C2orf49: variants seen among roughly 807,000 people sequenced by gnomAD.
C2orf49 encodes the protein tRNA-splicing ligase complex subunit ASW.
In C2orf49, 11 loss-of-function variants were observed where a neutral mutation model predicts 20.6. The observed-to-expected ratio is 0.53, with a 90% confidence interval of 0.34 to 0.88. C2orf49 has a LOEUF of 0.88. Ranked by LOEUF, C2orf49 falls within the 40% of genes least tolerant of loss-of-function variation. The pLI is 0.02. For synonymous variants in C2orf49, 134 were observed against 108.5 expected (o/e 1.24, Z -1.46); for missense variants, 289 against 274.2 (o/e 1.05, Z -0.38).
chr2:105,352,687 G>T, downstream of C2orf49, among the ~76,000 whole-genome samples: 1 of 151,888 alleles, frequency 6.6e-6, no homozygotes. Context: ...CTTGTGATCT[G>T]CCCGTCTCGG....
chr2:105,363,602 C>T, the C2orf49 span: 5 of 812,854 alleles, frequency 6.2e-6, no homozygotes, highest in East Asian at 1.1e-4. Context: ...CAAGAAGCTG[C>T]TTTACAAACT....
At chr2:105,360,369 T>A in the C2orf49 span, 4 of 151,880 alleles carry the variant, frequency 2.6e-5, no homozygotes, top group Non-Finnish European at 5.9e-5. Flanking sequence ...TGAAGGCTTT[T>A]TTTTTTTGAG....
At chr2:105,351,309 CCG>C (rs1396385390), downstream of C2orf49, among the ~76,000 whole-genome samples, 31 of 114,212 alleles carry the variant, frequency 2.7e-4, 1 homozygote, top group African/African-American at 1.1e-3. Flanking sequence ...TTTTTGCCCA[CCG>C]CGCCCCCCCC....
the C2orf49 span, chr2:105,377,660 T>C: frequency 1.2e-5 from 2 of 166,818 alleles, no homozygotes; most frequent in Non-Finnish European, 1.3e-5. Flanking sequence ...TAAGTTTTGA[T>C]TGTTATGTAG....
chr2:105,380,973 C>T, the C2orf49 span, among the ~76,000 whole-genome samples: 1 of 152,068 alleles, frequency 6.6e-6, no homozygotes, highest in Non-Finnish European at 1.5e-5. Flanking sequence ...TGCTTGGCTC[C>T]GAATGTGTCC....
At chr2:105,351,692 A>C (rs1238541361), downstream of C2orf49, among the ~76,000 whole-genome samples, 1 of 152,104 alleles carries the variant, frequency 6.6e-6, no homozygotes, top group Non-Finnish European at 1.5e-5. Context: ...AGGATGCTCT[A>C]GCGTCATTTT....
At chr2:105,361,491 A>C in the C2orf49 span, 1 of 1,507,156 alleles carries the variant, frequency 6.6e-7, no homozygotes, top group Non-Finnish European at 9.1e-7. Flanking sequence ...GGCAACTGGG[A>C]CTGAAGAAGG....
At chr2:105,361,959 A>AGAT in the C2orf49 span, among the ~76,000 whole-genome samples, 10 of 152,350 alleles carry the variant, frequency 6.6e-5, no homozygotes, top group African/African-American at 2.2e-4. Context: ...AGCTGCAGAC[A>AGAT]GATAGAATGG....
chr2:105,363,031 C>T, the C2orf49 span: 1 of 463,868 alleles, frequency 2.2e-6, no homozygotes, highest in Non-Finnish European at 3.9e-6. Context: ...ATAATCCAAC[C>T]CAAAGCAGAA....
chr2:105,339,909 C>T (rs1482106969), intron 2 of C2orf49, among the ~76,000 whole-genome samples, 160 bp downstream of exon 2: 1 of 152,184 alleles, frequency 6.6e-6, no homozygotes, highest in Non-Finnish European at 1.5e-5. Flanking sequence ...ATAAAACTGA[C>T]AAAATTCCCT....
chr2:105,377,765 T>C, the C2orf49 span: 1 of 272,486 alleles, frequency 3.7e-6, no homozygotes, highest in Non-Finnish European at 7.3e-6. Flanking sequence ...AGCTGCAGAA[T>C]GTTTTCCATG....
chr2:105,359,704 G>T, the C2orf49 span: 3 of 152,146 alleles, frequency 2.0e-5, no homozygotes, highest in Admixed American at 2.0e-4. Flanking sequence ...TATTTTTACT[G>T]TAATGACTGT....
At position 105,343,221 on chromosome 2, in the gene C2orf49, A is replaced by G. The variant is rs755694255; in HGVS notation, c.640A>G (p.Met214Val). Residue 214 changes from methionine (M) to valine (V), a missense_variant and splice_region_variant, in exon 3 of 4, where the codon ATG (methionine) becomes GTG (valine). Physicochemically the swap from Met to Val is conservative, Grantham distance 21 (BLOSUM62 1). Coordinates refer to ENST00000258457, the MANE Select transcript of C2orf49 (RefSeq NM_024093.3). ...TGCTCCTAAAGAAGAGGCAGAGGCCATGGTAAGTATGGGGGTGGTTTCCAT... is the reference window on the plus strand; with the variant it reads ...TGCTCCTAAAGAAGAGGCAGAGGCCGTGGTAAGTATGGGGGTGGTTTCCAT... Reference protein sequence around the residue: ...RAAPKEEAEAMNNLKPPQAKR... With the variant: ...RAAPKEEAEAVNNLKPPQAKR... 4 of 1,581,296 alleles carry G rather than the reference A, an allele frequency of 2.5e-6. No individual in the cohort carries two copies. The highest frequency in any genetic ancestry group is 2.7e-5 in the African/African-American group (2 of 73,608).
the C2orf49 span, among the ~76,000 whole-genome samples, chr2:105,361,978 A>T: frequency 2.1e-3 from 323 of 152,344 alleles, 1 homozygote; most frequent in African/African-American, 7.4e-3. Context: ...GGAATCAAAT[A>T]TTTAAGGTAC....
chr2:105,371,440 C>A, the C2orf49 span, among the ~76,000 whole-genome samples: 1 of 152,036 alleles, frequency 6.6e-6, no homozygotes. Context: ...CAAATGCTCC[C>A]ATTTGGAACT....
At position 105,346,885 on chromosome 2, in the gene C2orf49, G is replaced by A. The variant is rs1367247186; in HGVS notation, c.*1514G>A. 1 of 152,166 alleles carries A rather than the reference G, an allele frequency of 6.6e-6. No homozygotes were observed. Among genetic ancestry groups the A allele is most frequent in the African/African-American group, 2.4e-5 (1 of 41,438 alleles). 9.4% of individuals were successfully genotyped at this position (152,166 alleles called of 1,614,324 possible). A position where few individuals can be genotyped will look rare whatever the true frequency, so the allele number is the denominator to read the frequency against. On this transcript the variant is annotated 3_prime_UTR_variant, in exon 4 of 4. Coordinates refer to ENST00000258457, the MANE Select transcript of C2orf49 (RefSeq NM_024093.3). ...GTTTACCTTATATTCATGAGTTCTAGTTTCTACTGTTCTGCTATGTGTTTC... is the reference window on the plus strand; with the variant it reads ...GTTTACCTTATATTCATGAGTTCTAATTTCTACTGTTCTGCTATGTGTTTC...
the C2orf49 span, chr2:105,373,568 T>G: frequency 6.2e-7 from 1 of 1,614,098 alleles, no homozygotes; most frequent in Admixed American, 1.7e-5. Context: ...CCTGGCATGA[T>G]GGTCTTCTTG....
rs1679716415 is a variant in C2orf49 at position 105,343,109 on chromosome 2, C to T, written c.528C>T (p.Asp176=). 1.9e-6 allele frequency: 3 copies of T among 1,614,086 alleles called. No homozygotes were observed. The African/African-American group carries it at 4.0e-5, about 22-fold the overall frequency. The part of the protein sequence containing the change: ...HNNNDAKQNH[D]LTHRKSPSGP... ...ATAATGACGCTAAACAGAACCATGACTTAACGCATAGGAAAAGTCCTTCAG... is the reference window on the plus strand; with the variant it reads ...ATAATGACGCTAAACAGAACCATGATTTAACGCATAGGAAAAGTCCTTCAG... Residue 176 remains aspartate (D), a synonymous_variant, in exon 3 of 4, where the codon GAC becomes GAT. Coordinates refer to ENST00000258457, the MANE Select transcript of C2orf49 (RefSeq NM_024093.3).
intron 2 of C2orf49, among the ~76,000 whole-genome samples, chr2:105,340,130 A>G (rs1211197907): frequency 6.6e-6 from 1 of 152,224 alleles, no homozygotes. Flanking sequence ...GAATGTGCCC[A>G]TCATATACCA....
Sources: gnomAD v4.1 joint callset for allele counts (sites outside exome capture counted in the v4.1 genomes callset) on GRCh38, gnomAD v4.1.1 for gene constraint, MANE v1.5 for transcripts, NCBI Gene and HGNC (gene_info 2026-07-23, HGNC 2026-07-21) for gene names.